ITGA4: variants seen among roughly 807,000 people sequenced by gnomAD.
ITGA4 encodes integrin alpha-4.
A neutral mutation model predicts 133.6 loss-of-function variants in ITGA4; 63 were observed. That is an observed-to-expected ratio of 0.47 (90% CI 0.38 to 0.58). ITGA4 has a LOEUF of 0.58. Among genes scored for constraint, ITGA4 ranks in the 20% least tolerant of loss-of-function variants. ITGA4 has a pLI of 0.00. For missense variants in ITGA4, 1,076 were observed against 1,252.7 expected, an observed-to-expected ratio of 0.86 and a Z score of 2.13; for synonymous variants, 483 against 438.0, an observed-to-expected ratio of 1.10 and a Z score of -1.28.
chr2:181,489,918 C>T (rs189584887), intron 10 of ITGA4, among the ~76,000 whole-genome samples: 126 of 152,234 alleles, frequency 8.3e-4, no homozygotes, highest in African/African-American at 2.6e-3. Flanking sequence ...TGGGGGGCAT[C>T]GGCAAGACTC....
intron 15 of ITGA4, among the ~76,000 whole-genome samples, chr2:181,506,289 T>A (rs1449048555): frequency 6.6e-6 from 1 of 152,152 alleles, no homozygotes; most frequent in Non-Finnish European, 1.5e-5. Flanking sequence ...CTGGCTTATA[T>A]ACCTGAAATT....
rs764313718 is a variant in ITGA4 at position 181,485,931 on chromosome 2, T to C, written c.1092T>C (p.Tyr364=). 1 of 1,605,856 alleles carries C rather than the reference T, an allele frequency of 6.2e-7. No individual in the cohort carries two copies. Among genetic ancestry groups the C allele is most frequent in the Non-Finnish European group, 8.5e-7 (1 of 1,178,176 alleles). The change falls in exon 10 of 28, where the codon TAT becomes TAC. Residue 364 remains tyrosine, a synonymous_variant. Coordinates refer to ENST00000397033, the MANE Select transcript of ITGA4 (RefSeq NM_000885.6). The part of the protein sequence containing the change: ...METNLVGSDK[Y]AARFGESIVN... ...CAAACCTCGTTGGAAGTGACAAATA[T>C]GCTGCAAGATTTGGGGAATCTATAG...
chr2:181,457,600 C>T lies in ITGA4; in HGVS notation c.-55C>T, dbSNP rs200704645. 3.2e-4 allele frequency: 490 copies of T among 1,520,688 alleles called. 2 individuals carry two copies. In the African/African-American group the frequency reaches 5.9e-3, roughly 18 times the overall value. The allele number at this position is 1,520,688 out of a possible 1,614,324, so 94.2% of individuals were successfully genotyped here. ...TCCCCGTTGGCCAACCGTCGCATCC[C>T]GTGCAACTTTGGGGTAGTGGCCGTT... On this transcript the variant is annotated 5_prime_UTR_variant, in exon 1 of 28. Transcript: ENST00000397033.
At chr2:181,533,581 C>T (rs1298401219) in intron 25 of ITGA4, among the ~76,000 whole-genome samples, 5 of 152,146 alleles carry the variant, frequency 3.3e-5, no homozygotes, top group Non-Finnish European at 5.9e-5. Context: ...TGACACTTGA[C>T]AGTTTCTTTA....
At chr2:181,473,998 T>A (rs1180986706) in intron 2 of ITGA4, among the ~76,000 whole-genome samples, 1 of 152,128 alleles carries the variant, frequency 6.6e-6, no homozygotes, top group Non-Finnish European at 1.5e-5. Context: ...CCTTATCCAA[T>A]CAAATTGATG....
chr2:181,468,184 AAGT>A (rs1271566923), intron 2 of ITGA4, among the ~76,000 whole-genome samples: 1 of 152,218 alleles, frequency 6.6e-6, no homozygotes, highest in East Asian at 1.9e-4. Flanking sequence ...ATTCTGTCTT[AAGT>A]CATCCCACTC....
intron 18 of ITGA4, among the ~76,000 whole-genome samples, chr2:181,522,973 A>G (rs1686750884): frequency 6.6e-6 from 1 of 152,216 alleles, no homozygotes; most frequent in African/African-American, 2.4e-5. Context: ...TAAATACCTT[A>G]AACACATTCT....
rs1182204750 is a variant in ITGA4 at position 181,457,696 on chromosome 2, C to A, written c.42C>A (p.Ala14=). The change falls in exon 1 of 28, where the codon GCC becomes GCA. Residue 14 remains alanine (A), a synonymous_variant. Transcript: ENST00000397033. ...GGCGCGAACCCGGCCCCCGAAGGGCCGCCGTCCGGGAGACGGTGATGCTGT... is the reference window on the plus strand; with the variant it reads ...GGCGCGAACCCGGCCCCCGAAGGGCAGCCGTCCGGGAGACGGTGATGCTGT... ...EARREPGPRR[A]AVRETVMLLL... 2 of 1,611,932 alleles carry A rather than the reference C, an allele frequency of 1.2e-6. No homozygotes were observed. The highest frequency in any genetic ancestry group is 1.7e-6 in the Non-Finnish European group (2 of 1,179,604).
At chr2:181,478,423 A>C (rs181619714) in intron 4 of ITGA4, among the ~76,000 whole-genome samples, 7 of 152,208 alleles carry the variant, frequency 4.6e-5, no homozygotes, top group Admixed American at 4.6e-4. Context: ...ATCAAACCTG[A>C]TGTTGTACAC....
intron 10 of ITGA4, among the ~76,000 whole-genome samples, chr2:181,489,461 T>C (rs1685994925): frequency 6.6e-6 from 1 of 152,244 alleles, no homozygotes; most frequent in Non-Finnish European, 1.5e-5. Context: ...ATTTCATATG[T>C]AAAATAGACT....
At chr2:181,513,339 C>G (rs937706786) in intron 17 of ITGA4, among the ~76,000 whole-genome samples, 3 of 152,074 alleles carry the variant, frequency 2.0e-5, no homozygotes, top group African/African-American at 7.2e-5. Flanking sequence ...TAGTTTCAAT[C>G]TGTCCAGGCA....
At chr2:181,467,203 A>G (rs542496914) in intron 2 of ITGA4, among the ~76,000 whole-genome samples, 1 of 148,652 alleles carries the variant, frequency 6.7e-6, no homozygotes, top group East Asian at 2.0e-4. Flanking sequence ...GTTTTGTCTT[A>G]CAATGGAATA....
chr2:181,530,115 CA>C (rs1428948325), intron 23 of ITGA4, among the ~76,000 whole-genome samples: 1 of 152,046 alleles, frequency 6.6e-6, no homozygotes, highest in Non-Finnish European at 1.5e-5. Flanking sequence ...AGGTTGAAGA[CA>C]AAAGTCAACA....
Position 181,537,181 on chromosome 2 carries a change from A to G in ITGA4, c.*1654A>G. On this transcript the variant is annotated 3_prime_UTR_variant, in exon 28 of 28. Transcript: ENST00000397033. ...TCATTCTTTCAGGAGAACATCTAGG[A>G]TCATAGATGAAAAATCAAGCCCCGA... 2.2e-6 allele frequency: 1 copy of G among 453,862 alleles called. No individual in the cohort carries two copies. The highest frequency in any genetic ancestry group is 4.4e-6 in the Non-Finnish European group (1 of 226,630). 28.1% of individuals were successfully genotyped at this position (453,862 alleles called of 1,614,324 possible). A position where few individuals can be genotyped will look rare whatever the true frequency, so the allele number is the denominator to read the frequency against.
At chr2:181,490,277 T>C (rs909167692) in intron 10 of ITGA4, among the ~76,000 whole-genome samples, 3 of 152,120 alleles carry the variant, frequency 2.0e-5, no homozygotes, top group African/African-American at 7.2e-5. Flanking sequence ...CATAAGTCAA[T>C]ATGAGGGGTG....
chr2:181,507,157 G>C (rs944449200), intron 15 of ITGA4, among the ~76,000 whole-genome samples: 2 of 152,078 alleles, frequency 1.3e-5, no homozygotes, highest in East Asian at 3.9e-4. Flanking sequence ...TATCTCCTGC[G>C]TATAGCAACA....
intron 9 of ITGA4, among the ~76,000 whole-genome samples, chr2:181,484,571 T>A (rs1164316211): frequency 6.6e-6 from 1 of 152,212 alleles, no homozygotes; most frequent in Non-Finnish European, 1.5e-5. Flanking sequence ...TGTCAGTGAT[T>A]ATATTTATAA....
Position 181,535,464 on chromosome 2 carries a change from CCTA to C in ITGA4, c.3038_3040del (p.Leu1013del), listed in dbSNP as rs1559060507. ...TCTTTAAAAGACAATACAAATCTAT[CCTA>C]CAAGAAGAAAACAGAAGAGACAGTT... On this transcript the variant is annotated inframe_deletion, in exon 28 of 28. Coordinates refer to ENST00000397033, the MANE Select transcript of ITGA4 (RefSeq NM_000885.6). 6.2e-7 allele frequency: 1 copy of C among 1,609,602 alleles called. No homozygotes were observed. The highest frequency in any genetic ancestry group is 8.5e-7 in the Non-Finnish European group (1 of 1,177,586).
At chr2:181,459,394 T>C (rs1157069942) in intron 2 of ITGA4, 1 of 152,228 alleles carries the variant, frequency 6.6e-6, no homozygotes, top group African/African-American at 2.4e-5. Context: ...TTATATTTCT[T>C]TGCTATAAAT....
Sources: allele counts gnomAD v4.1 joint callset (sites outside exome capture counted in the v4.1 genomes callset), GRCh38; gene constraint gnomAD v4.1.1; transcripts MANE v1.5; gene names NCBI Gene and HGNC (gene_info 2026-07-23, HGNC 2026-07-21).